Variants in IQCH observed in about 807,000 individuals in gnomAD.
IQCH encodes the protein IQ motif containing H.
Under a neutral mutation model 117.0 loss-of-function variants are expected in IQCH, and 98 were observed. The observed-to-expected ratio is 0.84, with a 90% CI of 0.71 to 0.99. IQCH has a LOEUF of 0.99. IQCH is among the 50% of genes least tolerant of loss of function. The pLI, the probability that IQCH is intolerant of heterozygous loss-of-function variation, is 0.00. For missense variants in IQCH, 1,102 were observed against 1,243.8 expected (o/e 0.89, Z 1.72); for synonymous variants, 412 against 448.2 (o/e 0.92, Z 1.02).
In IQCH at chr15:67,490,073, G is replaced by A. The variant is rs1318877209; in HGVS notation, c.2861+9G>A. On this transcript the variant is annotated intron_variant, in intron 19 of 20. Coordinates refer to ENST00000335894, the MANE Select transcript of IQCH (RefSeq NM_001031715.3). The surrounding 1 kb of genome is among the most constrained non-coding windows in gnomAD (Gnocchi z 4.9). Reference sequence around the variant, plus strand: ...CACAAGTTGGGAATGTTGTGAGTATGAAGTGTATCTGTGAGTTGCAATAAG... The same window carrying A: ...CACAAGTTGGGAATGTTGTGAGTATAAAGTGTATCTGTGAGTTGCAATAAG... 2 of 1,587,510 alleles carry A rather than the reference G, an allele frequency of 1.3e-6. No homozygotes were observed. The highest frequency in any genetic ancestry group is 1.7e-6 in the Non-Finnish European group (2 of 1,162,054).
intron 16 of IQCH, among the ~76,000 whole-genome samples, chr15:67,448,265 G>A (rs796788641): frequency 6.6e-6 from 1 of 151,798 alleles, no homozygotes; most frequent in Non-Finnish European, 1.5e-5. Context: ...GGGTACATGT[G>A]CACAACATGC....
rs539284324 is a variant in IQCH at position 67,338,919 on chromosome 15, C to T, written c.508+1824C>T. Among the ~76,000 whole-genome samples the T allele has an allele frequency of 1.1e-4, 16 of 152,312 alleles. No individual in the cohort carries two copies. The East Asian group carries it at 2.7e-3, about 26-fold the overall frequency. On this transcript the variant is annotated intron_variant, in intron 5 of 20. Transcript: ENST00000335894. ...CTTCGCTCTCATCTCTCATCTTTAT[C>T]AGGCCAAGCACATTTGCAGATCAGG...
rs2140856747 is a variant in IQCH at position 67,395,922 on chromosome 15, A to C, written c.1905+359A>C. 6.6e-6 allele frequency among the ~76,000 whole-genome samples: 1 copy of C among 151,940 alleles called. No homozygotes were observed. Among genetic ancestry groups the C allele is most frequent in the South Asian group, 2.1e-4 (1 of 4,800 alleles). On this transcript the variant is annotated intron_variant, in intron 13 of 20. Coordinates refer to ENST00000335894, the MANE Select transcript of IQCH (RefSeq NM_001031715.3). The surrounding 1 kb of genome is among the most constrained non-coding windows in gnomAD (Gnocchi z 4.0). ...TGACCTCTAGTGATCTGCCCACCTCAGCCTCCCAAAGTGCTGGGATTACCA... is the reference window on the plus strand; with the variant it reads ...TGACCTCTAGTGATCTGCCCACCTCCGCCTCCCAAAGTGCTGGGATTACCA...
rs115634290 is a variant in IQCH at position 67,465,285 on chromosome 15, G to A, written c.2664G>A (p.Ala888=). The A allele has an allele frequency of 1.2e-5, 20 of 1,613,598 alleles. No homozygotes were observed. The highest frequency in any genetic ancestry group is 4.5e-5 in the East Asian group (2 of 44,866). The change falls in exon 17 of 21, where the codon GCG becomes GCA. Residue 888 remains alanine, a synonymous_variant. Coordinates refer to ENST00000335894, the MANE Select transcript of IQCH (RefSeq NM_001031715.3). This position sits in a 1 kb window ranked among gnomAD's most constrained non-coding sequence, Gnocchi z 5.9. ...KERKKTKCMS[A]LSMPMLATSR... ...GGAAGAAAACCAAATGCATGAGTGC[G>A]CTGTCAATGCCGGTAAGCAAGAGGT...
rs954849129 is a variant in IQCH at position 67,365,257 on chromosome 15, T to C, written c.753+5372T>C. On this transcript the variant is annotated intron_variant, in intron 8 of 20. Transcript: ENST00000335894. This position sits in a 1 kb window ranked among gnomAD's most constrained non-coding sequence, Gnocchi z 4.4. ...CACCACACCTAGCCTGTGGAACTTC[T>C]TGATCAAAGGGTATGGACATTTTTG... Among the ~76,000 whole-genome samples the C allele has an allele frequency of 2.0e-5, 3 of 152,222 alleles. No homozygotes were observed. Among genetic ancestry groups the C allele is most frequent in the Admixed American group, 6.5e-5 (1 of 15,282 alleles).
At chr15:67,326,682 T>TA (rs890886849) in intron 4 of IQCH, among the ~76,000 whole-genome samples, 4 of 152,142 alleles carry the variant, frequency 2.6e-5, no homozygotes, top group Non-Finnish European at 5.9e-5. Context: ...AGTTTTCAAT[T>TA]AAAAAAATCC....
At position 67,346,588 on chromosome 15, in the gene IQCH, C is replaced by G. The variant is rs111298286; in HGVS notation, c.637+2397C>G. ...GCATGAACTCAGATGGTAATGCTTG[C>G]TCACCTGCCACTTGCCTCCTGTTGT... On this transcript the variant is annotated intron_variant, in intron 6 of 20. Transcript: ENST00000335894. Among the ~76,000 whole-genome samples, 319 of 152,262 alleles carry G rather than the reference C, an allele frequency of 2.1e-3. 1 individual carries two copies. Among genetic ancestry groups the G allele is most frequent in the African/African-American group, 7.5e-3 (310 of 41,540 alleles).
chr15:67,455,138 AT>A (rs552922711), intron 16 of IQCH, among the ~76,000 whole-genome samples: 2 of 151,994 alleles, frequency 1.3e-5, no homozygotes, highest in East Asian at 1.9e-4. Flanking sequence ...TTCAAGGAAG[AT>A]TTTTTTCCCC....
At chr15:67,268,860 G>A (rs1040030285) in intron 3 of IQCH, among the ~76,000 whole-genome samples, 5 of 152,260 alleles carry the variant, frequency 3.3e-5, no homozygotes, top group African/African-American at 9.6e-5. Flanking sequence ...GCATTCGCAT[G>A]CTCACTGTTC....
chr15:67,461,406 T>C (rs1205783377), intron 16 of IQCH, among the ~76,000 whole-genome samples: 1 of 152,186 alleles, frequency 6.6e-6, no homozygotes, highest in Non-Finnish European at 1.5e-5. Context: ...CCCTGCTGCG[T>C]GCCCTGCCCC....
chr15:67,322,747 A>G (rs995668664), intron 4 of IQCH, among the ~76,000 whole-genome samples: 9 of 151,964 alleles, frequency 5.9e-5, no homozygotes, highest in Admixed American at 5.2e-4. Flanking sequence ...GAAGAATTTT[A>G]TTGAGCAACA....
At chr15:67,346,607 C>T (rs1416506804) in intron 6 of IQCH, among the ~76,000 whole-genome samples, 3 of 152,174 alleles carry the variant, frequency 2.0e-5, no homozygotes, top group Non-Finnish European at 4.4e-5. Context: ...CACTTGCCTC[C>T]TGTTGTGTAG....
rs1339603991 is a variant in IQCH at position 67,366,375 on chromosome 15, T to C, written c.754-5736T>C. ...AGGAAATTTCACATTTGACTGAAAA[T>C]AGACCATCTATTTACAAAATCTTCT... On this transcript the variant is annotated intron_variant, in intron 8 of 20. Coordinates refer to ENST00000335894, the MANE Select transcript of IQCH (RefSeq NM_001031715.3). The surrounding 1 kb of genome is among the most constrained non-coding windows in gnomAD (Gnocchi z 4.4). Among the ~76,000 whole-genome samples the C allele has an allele frequency of 2.0e-5, 3 of 152,198 alleles. No homozygotes were observed. Among genetic ancestry groups the C allele is most frequent in the Non-Finnish European group, 2.9e-5 (2 of 68,030 alleles).
intron 4 of IQCH, chr15:67,281,618 C>T (rs1255589169): frequency 4.4e-6 from 2 of 451,276 alleles, no homozygotes; most frequent in South Asian, 1.6e-5. Flanking sequence ...GACTCAATCT[C>T]TCCCAGATCC....
intron 5 of IQCH, among the ~76,000 whole-genome samples, chr15:67,338,058 A>G (rs950964592): frequency 1.5e-4 from 23 of 152,212 alleles, no homozygotes; most frequent in African/African-American, 5.5e-4. Flanking sequence ...CTTTCTAGTT[A>G]GCTTATGTAA....
chr15:67,332,238 C>G lies in IQCH; in HGVS notation c.388-4737C>G, dbSNP rs555211949. On this transcript the variant is annotated intron_variant, in intron 4 of 20. Coordinates refer to ENST00000335894, the MANE Select transcript of IQCH (RefSeq NM_001031715.3). Reference sequence around the variant, plus strand: ...AATTTGATTTTGAATATTTAACATACAAATATATTTTAGTTAAATATTTGG... The same window carrying G: ...AATTTGATTTTGAATATTTAACATAGAAATATATTTTAGTTAAATATTTGG... Among the ~76,000 whole-genome samples the G allele has an allele frequency of 8.5e-5, 13 of 152,126 alleles. No homozygotes were observed. In the South Asian group the frequency reaches 2.7e-3, roughly 32 times the overall value.
In IQCH at chr15:67,422,908, C is replaced by T. The variant is rs1264531397; in HGVS notation, c.2505+1331C>T. Among the ~76,000 whole-genome samples the T allele has an allele frequency of 2.0e-5, 3 of 152,188 alleles. No homozygotes were observed. The highest frequency in any genetic ancestry group is 7.2e-5 in the African/African-American group (3 of 41,430). ...AAATGACCTCCTGGCCTTCCTCTCT[C>T]GATATCGCGATATCCTCTGGTCATC... On this transcript the variant is annotated intron_variant, in intron 16 of 20. Transcript: ENST00000335894. This position sits in a 1 kb window ranked among gnomAD's most constrained non-coding sequence, Gnocchi z 4.7.
rs1971967256 is a variant in IQCH, at chr15:67,407,779, T to C, written c.2097+7474T>C. 6.6e-6 allele frequency: 1 copy of C among 152,252 alleles called. No individual in the cohort carries two copies. The highest frequency in any genetic ancestry group is 2.1e-4 in the South Asian group (1 of 4,836). The allele number at this position is 152,252 out of a possible 1,614,324, so 9.4% of individuals were successfully genotyped here. On this transcript the variant is annotated intron_variant, in intron 14 of 20. Coordinates refer to ENST00000335894, the MANE Select transcript of IQCH (RefSeq NM_001031715.3). This position sits in a 1 kb window ranked among gnomAD's most constrained non-coding sequence, Gnocchi z 5.3. ...CATTGTCTACTGCAAGCGTGCTGTT[T>C]GTACCTTTTATTTTATTCTAAAAAT...
chr15:67,313,877 C>G (rs1967719061), intron 4 of IQCH, among the ~76,000 whole-genome samples: 1 of 152,174 alleles, frequency 6.6e-6, no homozygotes, highest in Non-Finnish European at 1.5e-5. Context: ...AGTTATTAAA[C>G]TTTATTTCCT....
Sources: allele counts gnomAD v4.1 joint callset (sites outside exome capture counted in the v4.1 genomes callset), GRCh38; gene constraint gnomAD v4.1.1; non-coding constraint Gnocchi (gnomAD v3.1); transcripts MANE v1.5; gene names NCBI Gene and HGNC (gene_info 2026-07-23, HGNC 2026-07-21).